PTPN13: variants seen among roughly 807,000 people sequenced by gnomAD.
The protein encoded by PTPN13 is tyrosine-protein phosphatase non-receptor type 13.
PTPN13 carries 191 observed loss-of-function variants against 284.0 expected under a neutral mutation model. That is an observed-to-expected ratio of 0.67 (90% CI 0.60 to 0.76). PTPN13 has a LOEUF of 0.76. Among genes scored for constraint, PTPN13 ranks in the 30% least tolerant of loss-of-function variants. PTPN13 has a pLI of 0.00. For synonymous variants in PTPN13, 986 were observed against 1,022.3 expected, an observed-to-expected ratio of 0.96 and a Z score of 0.68; for missense variants, 2,797 against 2,939.9, an observed-to-expected ratio of 0.95 and a Z score of 1.12.
intron 3 of PTPN13, among the ~76,000 whole-genome samples, chr4:86,679,342 G>A (rs1008795200): frequency 6.6e-6 from 1 of 152,132 alleles, no homozygotes; most frequent in Non-Finnish European, 1.5e-5. Context: ...CAGCAGTGAA[G>A]ATTTGATATG....
chr4:86,659,823 A>G (rs1726270734), intron 2 of PTPN13, among the ~76,000 whole-genome samples: 2 of 151,866 alleles, frequency 1.3e-5, no homozygotes, highest in South Asian at 2.1e-4. Context: ...GTCTCAAACT[A>G]CAACCACAAC....
chr4:86,662,495 C>T (rs780180857), intron 2 of PTPN13, among the ~76,000 whole-genome samples: 1 of 152,082 alleles, frequency 6.6e-6, no homozygotes, highest in Non-Finnish European at 1.5e-5. Context: ...CCACGCCCAG[C>T]TAATTTTTAT....
At chr4:86,723,914 T>A (rs1291623452) in intron 10 of PTPN13, among the ~76,000 whole-genome samples, 1 of 152,224 alleles carries the variant, frequency 6.6e-6, no homozygotes, top group Non-Finnish European at 1.5e-5. Context: ...TTCTGTTCTT[T>A]GCTTCAGAGA....
intron 5 of PTPN13, among the ~76,000 whole-genome samples, chr4:86,691,431 A>G (rs1253270318): frequency 2.0e-5 from 3 of 152,108 alleles, no homozygotes; most frequent in Non-Finnish European, 4.4e-5. Flanking sequence ...ATCAGCATGT[A>G]GAGAGCCTCT....
chr4:86,704,583 C>A (rs530706850), intron 7 of PTPN13, among the ~76,000 whole-genome samples: 1 of 152,112 alleles, frequency 6.6e-6, no homozygotes, highest in East Asian at 1.9e-4. Context: ...TCTTGTAGAG[C>A]CTTATTTGTT....
Position 86,693,636 on chromosome 4 carries a change from C to T in PTPN13, c.596C>T (p.Ala199Val), listed in dbSNP as rs1323735932. The T allele has an allele frequency of 6.4e-7, 1 of 1,557,370 alleles. No individual in the cohort carries two copies. Among genetic ancestry groups the T allele is most frequent in the Admixed American group, 1.9e-5 (1 of 52,598 alleles). Reference protein sequence around the residue: ...NSEQKPDRSQAIRDRLRGKGL... With the variant: ...NSEQKPDRSQVIRDRLRGKGL... ...GAACAAAAGCCTGATCGAAGCCAGGCTATTCGAGATCGATTGCGAGGAAAA... is the reference window on the plus strand; with the variant it reads ...GAACAAAAGCCTGATCGAAGCCAGGTTATTCGAGATCGATTGCGAGGAAAA... The change falls in exon 6 of 48, where the codon GCT (alanine) becomes GTT (valine). Residue 199 changes from alanine to valine, a missense_variant. Physicochemically the swap from Ala to Val is moderately conservative, Grantham distance 64. Coordinates refer to ENST00000411767, the MANE Select transcript of PTPN13 (RefSeq NM_080683.3).
intron 1 of PTPN13, among the ~76,000 whole-genome samples, chr4:86,616,507 G>A (rs1407511082): frequency 6.6e-6 from 1 of 151,666 alleles, no homozygotes; most frequent in Non-Finnish European, 1.5e-5. Flanking sequence ...AATGTTAGAG[G>A]TGGGGCCTGG....
At chr4:86,695,512 TAAC>T (rs894472207) in intron 6 of PTPN13, among the ~76,000 whole-genome samples, 1 of 151,208 alleles carries the variant, frequency 6.6e-6, no homozygotes, top group Non-Finnish European at 1.5e-5. Flanking sequence ...AATCGAATAA[TAAC>T]AAACTTATAG....
In PTPN13 at chr4:86,814,528, C is replaced by G. The variant is rs766137491; in HGVS notation, c.7435C>G (p.Gln2479Glu). Reference protein sequence around the residue: ...TRLQAEEEQKQQPQLLK With the variant: ...TRLQAEEEQKEQPQLLK Reference sequence around the variant, plus strand: ...TCTTCAAGCAGAAGAAGAGCAAAAACAGCAGCCTCAGCTTCTGAAGTGACA... The same window carrying G: ...TCTTCAAGCAGAAGAAGAGCAAAAAGAGCAGCCTCAGCTTCTGAAGTGACA... Residue 2479 changes from glutamine to glutamate, a missense_variant, in exon 48 of 48, where the codon CAG becomes GAG. Physicochemically the swap from Gln to Glu is conservative, Grantham distance 29. Coordinates refer to ENST00000411767, the MANE Select transcript of PTPN13 (RefSeq NM_080683.3). 1 of 1,611,834 alleles carries G rather than the reference C, an allele frequency of 6.2e-7. No individual in the cohort carries two copies. Among genetic ancestry groups the G allele is most frequent in the South Asian group, 1.1e-5 (1 of 91,012 alleles).
chr4:86,745,574 AG>A (rs1736651953), intron 17 of PTPN13, among the ~76,000 whole-genome samples: 1 of 152,100 alleles, frequency 6.6e-6, no homozygotes, highest in Non-Finnish European at 1.5e-5. Context: ...CAGGAGTTTG[AG>A]AACAGCCTGG....
At chr4:86,702,605 T>C (rs544644346) in intron 7 of PTPN13, among the ~76,000 whole-genome samples, 1 of 152,194 alleles carries the variant, frequency 6.6e-6, no homozygotes, top group East Asian at 1.9e-4. Flanking sequence ...TCAAAAATAC[T>C]TGATTTCACA....
At chr4:86,691,182 G>A (rs1158779539) in intron 5 of PTPN13, among the ~76,000 whole-genome samples, 2 of 150,816 alleles carry the variant, frequency 1.3e-5, no homozygotes, top group East Asian at 3.9e-4. Context: ...AGGCATGATT[G>A]CACCACTGCA....
At chr4:86,777,137 A>T (rs914231863) in intron 35 of PTPN13, among the ~76,000 whole-genome samples, 1 of 152,172 alleles carries the variant, frequency 6.6e-6, no homozygotes, top group Non-Finnish European at 1.5e-5. Context: ...AAAAATTACT[A>T]TAAGTTTAGT....
intron 9 of PTPN13, among the ~76,000 whole-genome samples, chr4:86,721,844 C>G (rs115619872): frequency 0.025 from 3,820 of 151,422 alleles, 162 homozygotes; most frequent in African/African-American, 0.089. Flanking sequence ...CCCCCAGGCT[C>G]AATCAATTCT....
At position 86,784,575 on chromosome 4, in the gene PTPN13, G is replaced by A. The variant is rs1253999267; in HGVS notation, c.6118+17G>A. On this transcript the variant is annotated intron_variant, in intron 38 of 47. Coordinates refer to ENST00000411767, the MANE Select transcript of PTPN13 (RefSeq NM_080683.3). ...TGCCCAAAGGTAGTTTTCCAAATCA[G>A]TCATCTAATTACTCTAAATGCCCTA... is the stretch of plus-strand genomic sequence containing the variant. The A allele has an allele frequency of 1.3e-6, 2 of 1,531,868 alleles. No homozygotes were observed. The highest frequency in any genetic ancestry group is 1.8e-6 in the Non-Finnish European group (2 of 1,114,616). The allele number at this position is 1,531,868 out of a possible 1,614,324, so 94.9% of individuals were successfully genotyped here.
At chr4:86,754,690 C>T (rs1010568141) in intron 20 of PTPN13, among the ~76,000 whole-genome samples, 5 of 151,960 alleles carry the variant, frequency 3.3e-5, no homozygotes, top group African/African-American at 1.2e-4. Context: ...TTGAAAGAAG[C>T]TGGATAATAA....
At chr4:86,711,644 T>C (rs1234125812) in intron 7 of PTPN13, among the ~76,000 whole-genome samples, 2 of 152,208 alleles carry the variant, frequency 1.3e-5, no homozygotes, top group Non-Finnish European at 2.9e-5. Flanking sequence ...AAATAAGGAA[T>C]AATTATGATT....
intron 16 of PTPN13, among the ~76,000 whole-genome samples, chr4:86,742,051 A>C (rs1177848283): frequency 6.6e-6 from 1 of 152,226 alleles, no homozygotes; most frequent in Non-Finnish European, 1.5e-5. Context: ...TATATGCTCA[A>C]TTAACTTTAG....
chr4:86,780,319 G>C, intron 35 of PTPN13, 83 bp from the exon 36 acceptor site: 1 of 1,140,962 alleles, frequency 8.8e-7, no homozygotes, highest in African/African-American at 1.5e-5. Flanking sequence ...AGCATTGCTT[G>C]AGGCCAGGAG....
Sources: allele counts gnomAD v4.1 joint callset (sites outside exome capture counted in the v4.1 genomes callset), GRCh38; gene constraint gnomAD v4.1.1; transcripts MANE v1.5; gene names NCBI Gene and HGNC (gene_info 2026-07-23, HGNC 2026-07-21).